Variants in CFAP77 observed in about 807,000 individuals in gnomAD.
CFAP77 encodes the protein cilia- and flagella-associated protein 77.
In CFAP77, 25 loss-of-function variants were observed where a neutral mutation model predicts 31.1. The observed-to-expected ratio is 0.80, with a 90% CI of 0.59 to 1.12. CFAP77 has a LOEUF of 1.12. Ranked by LOEUF, CFAP77 falls within the 50% of genes most tolerant of loss-of-function variation. The probability of loss-of-function intolerance (pLI) is 0.00; values close to 1 mark genes in which losing one functional copy is unlikely to be tolerated. For synonymous variants in CFAP77, 151 were observed against 159.9 expected, an observed-to-expected ratio of 0.94 and a Z score of 0.42; for missense variants, 377 against 397.3, an observed-to-expected ratio of 0.95 and a Z score of 0.44.
At chr9:132,555,747 C>T (rs2119090233) in intron 5 of CFAP77, among the ~76,000 whole-genome samples, 1 of 152,260 alleles carries the variant, frequency 6.6e-6, no homozygotes, top group Middle Eastern at 3.4e-3. Flanking sequence ...TTCCCTAACA[C>T]ACCCCCCAGC....
chr9:132,543,310 C>T (rs749555389), intron 5 of CFAP77, among the ~76,000 whole-genome samples: 27 of 152,244 alleles, frequency 1.8e-4, no homozygotes, highest in African/African-American at 6.0e-4. Flanking sequence ...GTGGATGCTG[C>T]GGAGTGGCAG....
chr9:132,554,244 A>G lies in CFAP77; in HGVS notation c.732+11197A>G, dbSNP rs1852862568. On this transcript the variant is annotated intron_variant, in intron 5 of 5. Transcript: ENST00000393216. The surrounding 1 kb of genome is among the most constrained non-coding windows in gnomAD (Gnocchi z 4.1). Reference sequence around the variant, plus strand: ...GATGGAATGTGCTCCGTTTGGCTTCATGTGGCAGAAATTGAGCAAGGGTTA... The same window carrying G: ...GATGGAATGTGCTCCGTTTGGCTTCGTGTGGCAGAAATTGAGCAAGGGTTA... 6.6e-6 allele frequency among the ~76,000 whole-genome samples: 1 copy of G among 152,214 alleles called. No homozygotes were observed. The highest frequency in any genetic ancestry group is 6.5e-5 in the Admixed American group (1 of 15,278).
intron 1 of CFAP77, among the ~76,000 whole-genome samples, chr9:132,430,825 T>C (rs923420695): frequency 2.0e-5 from 3 of 149,304 alleles, no homozygotes; most frequent in Non-Finnish European, 4.5e-5. Flanking sequence ...AAAAAGAAGA[T>C]GCTAGGAAGT....
At position 132,482,450 on chromosome 9, in the gene CFAP77, C is replaced by G. The variant is rs751477881; in HGVS notation, c.196-16245C>G. 5.1e-6 allele frequency: 8 copies of G among 1,576,336 alleles called. No homozygotes were observed. The South Asian group carries it at 8.9e-5, about 17-fold the overall frequency. The stretch of plus-strand genomic sequence containing the variant: ...TTCCTTCTGCTAAAATAATGTCACC[C>G]TGGAGAAAAAGGGGAAAAGAGGGGC... On this transcript the variant is annotated intron_variant, in intron 1 of 5. Transcript: ENST00000393216.
chr9:132,425,190 C>A (rs899842276), intron 1 of CFAP77, among the ~76,000 whole-genome samples: 1 of 152,148 alleles, frequency 6.6e-6, no homozygotes, highest in African/African-American at 2.4e-5. Context: ...TTGAATTGCA[C>A]ATTCTTGCGT....
chr9:132,512,341 T>A (rs1163219115), intron 3 of CFAP77, among the ~76,000 whole-genome samples: 1 of 152,218 alleles, frequency 6.6e-6, no homozygotes. Flanking sequence ...GATGATCTTA[T>A]CTCAAGATCT....
At chr9:132,453,217 G>A (rs561856962) in intron 1 of CFAP77, among the ~76,000 whole-genome samples, 5 of 152,144 alleles carry the variant, frequency 3.3e-5, no homozygotes, top group South Asian at 2.1e-4. Context: ...CAAATTTAAC[G>A]TTCAGCTTTT....
chr9:132,555,474 T>A (rs957177966), intron 5 of CFAP77, among the ~76,000 whole-genome samples: 2 of 152,144 alleles, frequency 1.3e-5, no homozygotes, highest in African/African-American at 2.4e-5. Context: ...AAGGACTTAA[T>A]TTGCAACCGA....
At chr9:132,518,916 G>A (rs1036259635) in intron 3 of CFAP77, among the ~76,000 whole-genome samples, 7 of 152,218 alleles carry the variant, frequency 4.6e-5, no homozygotes, top group East Asian at 1.9e-4. Context: ...CTTACGATTC[G>A]AATGACTACT....
chr9:132,427,400 G>A (rs1005141596), intron 1 of CFAP77, among the ~76,000 whole-genome samples: 5 of 152,110 alleles, frequency 3.3e-5, no homozygotes, highest in Admixed American at 6.5e-5. Flanking sequence ...GGTCCTTCTC[G>A]GGTCTAGCGG....
At chr9:132,415,021 A>G (rs1409877783) in intron 1 of CFAP77, among the ~76,000 whole-genome samples, 3 of 152,212 alleles carry the variant, frequency 2.0e-5, no homozygotes, top group Admixed American at 1.3e-4. Flanking sequence ...ATGGGTCAGT[A>G]TTTTTATTAC....
intron 1 of CFAP77, among the ~76,000 whole-genome samples, chr9:132,453,024 T>A (rs1850853539): frequency 6.6e-6 from 1 of 152,198 alleles, no homozygotes. Context: ...AGACTCATGG[T>A]GTGTGCTCAG....
intron 3 of CFAP77, among the ~76,000 whole-genome samples, chr9:132,532,683 C>CT (rs1355512111): frequency 6.6e-6 from 1 of 152,164 alleles, no homozygotes; most frequent in East Asian, 1.9e-4. Flanking sequence ...TTTCCTCATT[C>CT]TTTTTTCTGT....
chr9:132,511,028 G>A lies in CFAP77; in HGVS notation c.524+11428G>A, dbSNP rs752833493. Among the ~76,000 whole-genome samples the A allele has an allele frequency of 1.3e-5, 2 of 152,180 alleles. No individual in the cohort carries two copies. Among genetic ancestry groups the A allele is most frequent in the Non-Finnish European group, 2.9e-5 (2 of 68,032 alleles). On this transcript the variant is annotated intron_variant, in intron 3 of 5. Transcript: ENST00000393216. The surrounding 1 kb of genome is among the most constrained non-coding windows in gnomAD (Gnocchi z 5.8). The stretch of plus-strand genomic sequence containing the variant: ...TCAGAACCCACATTCGTTACCTCCG[G>A]CCTATGCTGAGAGTTCATTTAGTGC...
intron 1 of CFAP77, among the ~76,000 whole-genome samples, chr9:132,494,586 T>C (rs1002414618): frequency 2.0e-5 from 3 of 152,246 alleles, no homozygotes; most frequent in African/African-American, 7.2e-5. Context: ...CACATTCATT[T>C]CTGCTGGATG....
rs1427845140 is a variant in CFAP77 at position 132,410,361 on chromosome 9, G to A, written c.90G>A (p.Pro30=). 4 of 1,597,930 alleles carry A rather than the reference G, an allele frequency of 2.5e-6. No homozygotes were observed. Among genetic ancestry groups the A allele is most frequent in the South Asian group, 1.1e-5 (1 of 89,494 alleles). ...PVRRTVSQVC[P]PPRRPLTVAD... ...GCCGCACGGTCAGCCAGGTCTGCCC[G>A]CCCCCGCGGCGGCCCCTGACCGTGG... Residue 30 remains proline, a synonymous_variant, in exon 1 of 6, where the codon CCG becomes CCA. Transcript: ENST00000393216.
chr9:132,410,547 C>T (rs1410374766), intron 1 of CFAP77, 81 bp downstream of exon 1: 6 of 1,245,896 alleles, frequency 4.8e-6, no homozygotes, highest in Admixed American at 3.7e-5. Flanking sequence ...CCCGCAGCGC[C>T]CTGGCCCCGC....
chr9:132,502,624 G>A (rs997805059), intron 3 of CFAP77, among the ~76,000 whole-genome samples: 2 of 152,122 alleles, frequency 1.3e-5, no homozygotes, highest in East Asian at 1.9e-4. Context: ...TAATACCCTC[G>A]TGGTTCATCC....
intron 1 of CFAP77, among the ~76,000 whole-genome samples, chr9:132,474,795 A>G (rs527297568): frequency 2.0e-5 from 3 of 152,306 alleles, no homozygotes; most frequent in East Asian, 3.9e-4. Flanking sequence ...TTTCTCTGAA[A>G]TAGTCAAAAT....
Sources: gnomAD v4.1 joint callset for allele counts (sites outside exome capture counted in the v4.1 genomes callset) on GRCh38, gnomAD v4.1.1 for gene constraint, Gnocchi (gnomAD v3.1) non-coding constraint, MANE v1.5 for transcripts, NCBI Gene and HGNC (gene_info 2026-07-23, HGNC 2026-07-21) for gene names.